Variants in STX2 observed in about 807,000 individuals in gnomAD.
STX2 encodes the protein syntaxin-2.
A neutral mutation model predicts 40.6 loss-of-function variants in STX2; 27 were observed. That is an observed-to-expected ratio of 0.66 (90% CI 0.49 to 0.92). The LOEUF is 0.92. Among genes scored for constraint, STX2 ranks in the 40% least tolerant of loss-of-function variants. STX2 has a pLI of 0.00. For synonymous variants in STX2, 123 were observed against 119.1 expected, an observed-to-expected ratio of 1.03 and a Z score of -0.22; for missense variants, 328 against 366.1, an observed-to-expected ratio of 0.90 and a Z score of 0.85.
chr12:130,817,165 C>T (rs540886525), intron 3 of STX2, among the ~76,000 whole-genome samples: 96 of 149,442 alleles, frequency 6.4e-4, no homozygotes, highest in African/African-American at 2.2e-3. Context: ...AACCCATCCA[C>T]AGAGGCACCA....
At chr12:130,807,132 C>A (rs374448079) in intron 5 of STX2, 42 bp from the exon 6 acceptor site, 22 of 1,578,674 alleles carry the variant, frequency 1.4e-5, no homozygotes, top group Non-Finnish European at 1.8e-5. Flanking sequence ...GAGGGCCATG[C>A]CTTCTACTGA....
intron 3 of STX2, among the ~76,000 whole-genome samples, chr12:130,816,095 C>G (rs1951848480): frequency 6.6e-6 from 1 of 152,148 alleles, no homozygotes; most frequent in South Asian, 2.1e-4. Context: ...GGCCTGGCCA[C>G]TGTGCCTGGG....
At chr12:130,814,299 A>G (rs963663190) in intron 3 of STX2, among the ~76,000 whole-genome samples, 3 of 150,682 alleles carry the variant, frequency 2.0e-5, no homozygotes, top group African/African-American at 7.5e-5. Flanking sequence ...CGCCAATGCC[A>G]CGCAGAGACT....
At chr12:130,795,413 A>C (rs896683108) in intron 10 of STX2, among the ~76,000 whole-genome samples, 13 of 152,330 alleles carry the variant, frequency 8.5e-5, no homozygotes, top group African/African-American at 3.1e-4. Flanking sequence ...TTAATGAAGG[A>C]TCCACTACAT....
chr12:130,804,720 C>T (rs1226051778), intron 6 of STX2, among the ~76,000 whole-genome samples: 2 of 151,640 alleles, frequency 1.3e-5, no homozygotes, highest in Non-Finnish European at 2.9e-5. Context: ...CATAGACCTG[C>T]TCACTTCGGA....
intron 9 of STX2, among the ~76,000 whole-genome samples, chr12:130,797,877 TTC>T (rs1412205017): frequency 6.6e-6 from 1 of 152,226 alleles, no homozygotes; most frequent in East Asian, 1.9e-4. Context: ...TCTCAAATAA[TTC>T]TCTTCTTTCC....
intron 6 of STX2, among the ~76,000 whole-genome samples, chr12:130,804,932 A>G (rs1951372811): frequency 6.6e-6 from 1 of 151,616 alleles, no homozygotes; most frequent in Admixed American, 6.6e-5. Context: ...GAAGAGACTT[A>G]GGCGATCTGA....
Position 130,828,757 on chromosome 12 carries a change from A to G in STX2, c.31-1490T>C, listed in dbSNP as rs113602762. Among the ~76,000 whole-genome samples the G allele has an allele frequency of 3.8e-3, 577 of 151,270 alleles. 6 individuals are homozygous for G. The highest frequency in any genetic ancestry group is 0.013 in the African/African-American group (557 of 41,280). ...GTAGTGGGCACCTGTAGTCCCAGCT[A>G]CTCGGGAGGCTGAGGCAGGAAAATG... is the stretch of plus-strand genomic sequence containing the variant. On this transcript the variant is annotated intron_variant, in intron 1 of 10. Coordinates refer to ENST00000392373, the MANE Select transcript of STX2 (RefSeq NM_194356.4).
intron 3 of STX2, among the ~76,000 whole-genome samples, chr12:130,815,080 A>G (rs73473040): frequency 2.0e-5 from 3 of 152,202 alleles, no homozygotes; most frequent in African/African-American, 7.2e-5. Flanking sequence ...TTAAAAAAGG[A>G]AAGAAAAAGA....
At chr12:130,807,294 T>C (rs1208948989) in intron 5 of STX2, among the ~76,000 whole-genome samples, 3 of 152,238 alleles carry the variant, frequency 2.0e-5, no homozygotes, top group Admixed American at 6.5e-5. Flanking sequence ...AGACCCCTAC[T>C]ATGCCGGTCA....
At chr12:130,805,251 A>T (rs954398632) in intron 6 of STX2, among the ~76,000 whole-genome samples, 4 of 152,148 alleles carry the variant, frequency 2.6e-5, no homozygotes, top group Admixed American at 2.6e-4. Context: ...CTGCCACTTG[A>T]AATAACCACA....
chr12:130,801,394 C>T (rs1286812185), intron 7 of STX2, 21 bp downstream of exon 7: 1 of 1,600,896 alleles, frequency 6.2e-7, no homozygotes. Context: ...CATGGAGCCA[C>T]AGGGCCGCAC....
At chr12:130,803,644 G>C (rs1201858990) in intron 6 of STX2, among the ~76,000 whole-genome samples, 1 of 138,448 alleles carries the variant, frequency 7.2e-6, no homozygotes, top group Non-Finnish European at 1.5e-5. Context: ...TCCAGCCTGG[G>C]TGACAGCGTG....
At position 130,804,707 on chromosome 12, in the gene STX2, T is replaced by G. The variant is rs951464285; in HGVS notation, c.463+2275A>C. On this transcript the variant is annotated intron_variant, in intron 6 of 10. Transcript: ENST00000392373. ...GCTCGCTCAGCCTTTGGGGGTGAGT[T>G]TGCATAGACCTGCTCACTTCGGAAT... Among the ~76,000 whole-genome samples, 9 of 151,820 alleles carry G rather than the reference T, an allele frequency of 5.9e-5. No individual in the cohort carries two copies. The South Asian group carries it at 1.7e-3, about 29-fold the overall frequency.
intron 2 of STX2, among the ~76,000 whole-genome samples, chr12:130,826,319 C>T (rs1952302646): frequency 6.6e-6 from 1 of 152,218 alleles, no homozygotes; most frequent in Non-Finnish European, 1.5e-5. Flanking sequence ...ACCAAGGAGG[C>T]CTCGTTCTGA....
At chr12:130,795,911 G>C (rs2137010002) in intron 10 of STX2, 84 bp downstream of exon 10, 1 of 1,462,550 alleles carries the variant, frequency 6.8e-7, no homozygotes, top group East Asian at 2.5e-5. Context: ...GCTTTTATTA[G>C]TTTTATGTCT....
chr12:130,819,173 C>T (rs2136311937), intron 3 of STX2, among the ~76,000 whole-genome samples: 1 of 152,326 alleles, frequency 6.6e-6, no homozygotes, highest in Non-Finnish European at 1.5e-5. Context: ...GTGCCCAGCC[C>T]TGCCCCGGGT....
chr12:130,809,207 T>TATACATACACAC, intron 4 of STX2, among the ~76,000 whole-genome samples: 1 of 152,262 alleles, frequency 6.6e-6, no homozygotes, highest in African/African-American at 2.4e-5. Context: ...CACACAGATA[T>TATACATACACAC]ATATACATAC....
intron 5 of STX2, among the ~76,000 whole-genome samples, chr12:130,807,500 G>T (rs111240343): frequency 0.014 from 2,057 of 151,172 alleles, 41 homozygotes; most frequent in African/African-American, 0.047. Context: ...TGCCCATGAG[G>T]GGACCCAGGC....
Sources: allele counts gnomAD v4.1 joint callset (sites outside exome capture counted in the v4.1 genomes callset), GRCh38; gene constraint gnomAD v4.1.1; transcripts MANE v1.5; gene names NCBI Gene and HGNC (gene_info 2026-07-23, HGNC 2026-07-21).